Variants in FARP1 observed in about 807,000 individuals in gnomAD.
FARP1 encodes FERM, ARHGEF and pleckstrin domain-containing protein 1.
A neutral mutation model predicts 128.8 loss-of-function variants in FARP1; 52 were observed. That is an observed-to-expected ratio of 0.40 (90% CI 0.32 to 0.51). The LOEUF is 0.51. FARP1 is among the 20% of genes least tolerant of loss of function. The pLI, the probability that FARP1 is intolerant of heterozygous loss-of-function variation, is 0.45. For missense variants in FARP1, 1,333 were observed against 1,367.9 expected (o/e 0.97, Z 0.40); for synonymous variants, 580 against 551.8 (o/e 1.05, Z -0.72).
rs373774885 is a variant in FARP1 at position 98,284,752 on chromosome 13, A to G, written c.172-59010A>G. 1.4e-4 allele frequency among the ~76,000 whole-genome samples: 21 copies of G among 152,314 alleles called. 1 individual carries two copies. In the East Asian group the frequency reaches 2.9e-3, roughly 21 times the overall value. On this transcript the variant is annotated intron_variant, in intron 2 of 26. Coordinates refer to ENST00000319562, the MANE Select transcript of FARP1 (RefSeq NM_005766.4). Reference sequence around the variant, plus strand: ...AGTGAGTTGAGAAAATTAATTTCTAATATTCAGAGGATCTCAGTCTGCCTC... The same window carrying G: ...AGTGAGTTGAGAAAATTAATTTCTAGTATTCAGAGGATCTCAGTCTGCCTC...
At chr13:98,143,805 C>G (rs769397865) in intron 1 of FARP1, among the ~76,000 whole-genome samples, 5 of 151,840 alleles carry the variant, frequency 3.3e-5, no homozygotes, top group Non-Finnish European at 7.4e-5. Context: ...CTCCCCCGAC[C>G]CCGGCGCCCT....
intron 2 of FARP1, among the ~76,000 whole-genome samples, chr13:98,321,475 T>G (rs918393167): frequency 1.3e-5 from 2 of 152,220 alleles, no homozygotes; most frequent in African/African-American, 4.8e-5. Context: ...CACCATCTGA[T>G]TATCCAGGGT....
At chr13:98,238,023 A>T (rs1383358520) in intron 2 of FARP1, among the ~76,000 whole-genome samples, 1 of 152,188 alleles carries the variant, frequency 6.6e-6, no homozygotes, top group Non-Finnish European at 1.5e-5. Flanking sequence ...GTGAAAACTT[A>T]AGGCAAAAGG....
intron 2 of FARP1, among the ~76,000 whole-genome samples, chr13:98,303,729 T>G (rs1044740270): frequency 1.6e-4 from 25 of 152,180 alleles, no homozygotes; most frequent in Admixed American, 1.2e-3. Context: ...ATATTTTACT[T>G]TAGCCTCAAT....
intron 1 of FARP1, among the ~76,000 whole-genome samples, chr13:98,159,286 G>A (rs1384081787): frequency 6.6e-6 from 1 of 152,158 alleles, no homozygotes; most frequent in Non-Finnish European, 1.5e-5. Context: ...CTGAGGCTTA[G>A]ACTATACGGT....
At chr13:98,424,500 G>C in intron 16 of FARP1, 72 bp from the exon 17 acceptor site, 1 of 950,102 alleles carries the variant, frequency 1.1e-6, no homozygotes, top group Non-Finnish European at 1.7e-6. Context: ...GCGGTAGGCT[G>C]ATATTTGTAA....
intron 2 of FARP1, among the ~76,000 whole-genome samples, chr13:98,322,582 A>G (rs532499408): frequency 7.2e-5 from 11 of 152,160 alleles, no homozygotes; most frequent in African/African-American, 2.6e-4. Context: ...AGCCGAGTAC[A>G]GTTCTGACTG....
intron 1 of FARP1, among the ~76,000 whole-genome samples, chr13:98,174,170 A>G (rs1877837265): frequency 6.6e-6 from 1 of 152,248 alleles, no homozygotes; most frequent in Non-Finnish European, 1.5e-5. Flanking sequence ...CAAATTCGGC[A>G]ACGCTTACTA....
chr13:98,167,326 A>C (rs1401287725), intron 1 of FARP1, among the ~76,000 whole-genome samples: 1 of 151,258 alleles, frequency 6.6e-6, no homozygotes. Context: ...TTGGCTTTGC[A>C]CTTTTTTAGT....
intron 5 of FARP1, among the ~76,000 whole-genome samples, chr13:98,374,457 CAG>C (rs1427546154): frequency 1.3e-5 from 2 of 152,110 alleles, no homozygotes; most frequent in Non-Finnish European, 2.9e-5. Context: ...TTAAAAAAAA[CAG>C]ATCCACTCTA....
chr13:98,158,591 C>T (rs1292781337), intron 1 of FARP1, among the ~76,000 whole-genome samples: 1 of 152,140 alleles, frequency 6.6e-6, no homozygotes, highest in Non-Finnish European at 1.5e-5. Flanking sequence ...TAAGCATGAA[C>T]TCAGGCTCCA....
In FARP1 at chr13:98,260,833, A is replaced by G. The variant is rs190005704; in HGVS notation, c.171+47420A>G. Among the ~76,000 whole-genome samples, 26 of 152,332 alleles carry G rather than the reference A, an allele frequency of 1.7e-4. No individual in the cohort carries two copies. In the East Asian group the frequency reaches 4.4e-3, roughly 26 times the overall value. ...TCAGGTTTTCCAGAGCCCAGAGAACAGTGTTGAGTCAGGCCACAGATAGGA... is the reference window on the plus strand; with the variant it reads ...TCAGGTTTTCCAGAGCCCAGAGAACGGTGTTGAGTCAGGCCACAGATAGGA... On this transcript the variant is annotated intron_variant, in intron 2 of 26. Transcript: ENST00000319562.
chr13:98,192,544 G>A (rs969146521), intron 1 of FARP1, among the ~76,000 whole-genome samples: 16 of 151,988 alleles, frequency 1.1e-4, no homozygotes, highest in African/African-American at 3.6e-4. Flanking sequence ...CATCTGCTAC[G>A]ACGCCTGGGT....
intron 23 of FARP1, 133 bp from the exon 24 acceptor site, chr13:98,440,537 C>G: frequency 2.3e-6 from 2 of 869,010 alleles, no homozygotes; most frequent in Non-Finnish European, 3.5e-6. Context: ...CCATCGAGGC[C>G]TCATTAGATT....
rs1160864403 is a variant in FARP1, at chr13:98,446,657, C to G, written c.2905-9C>G. The G allele has an allele frequency of 1.9e-6, 3 of 1,613,760 alleles. No homozygotes were observed. The highest frequency in any genetic ancestry group is 2.5e-6 in the Non-Finnish European group (3 of 1,179,818). On this transcript the variant is annotated splice_polypyrimidine_tract_variant and intron_variant, in intron 25 of 26. Coordinates refer to ENST00000319562, the MANE Select transcript of FARP1 (RefSeq NM_005766.4). Reference sequence around the variant, plus strand: ...CGAAAAGCCACTTTGCTTTGTTTCCCCTTTCCAGGACAATCATCCCCTTGC... The same window carrying G: ...CGAAAAGCCACTTTGCTTTGTTTCCGCTTTCCAGGACAATCATCCCCTTGC...
In FARP1 at chr13:98,243,487, A is replaced by C. The variant is rs1386271205; in HGVS notation, c.171+30074A>C. 3.9e-5 allele frequency among the ~76,000 whole-genome samples: 6 copies of C among 152,032 alleles called. No individual in the cohort carries two copies. In the East Asian group the frequency reaches 9.7e-4, roughly 25 times the overall value. On this transcript the variant is annotated intron_variant, in intron 2 of 26. Transcript: ENST00000319562. Reference sequence around the variant, plus strand: ...GAGGGGGGTGGATCACGAGGTCAGGAGTTCAAGATGAACTTGGCCAAGATA... The same window carrying C: ...GAGGGGGGTGGATCACGAGGTCAGGCGTTCAAGATGAACTTGGCCAAGATA...
At chr13:98,339,284 C>T (rs1426609803) in intron 2 of FARP1, among the ~76,000 whole-genome samples, 1 of 152,112 alleles carries the variant, frequency 6.6e-6, no homozygotes. Context: ...AGAATAAGCA[C>T]GTTTTACCAT....
At chr13:98,426,603 TCAA>T (rs1891797462) in intron 17 of FARP1, among the ~76,000 whole-genome samples, 2 of 152,212 alleles carry the variant, frequency 1.3e-5, no homozygotes, top group Admixed American at 6.5e-5. Context: ...GGATTTCCTG[TCAA>T]TCTCTCTTAA....
At chr13:98,417,846 T>C (rs558388730) in intron 16 of FARP1, among the ~76,000 whole-genome samples, 39 of 152,234 alleles carry the variant, frequency 2.6e-4, no homozygotes, top group Non-Finnish European at 5.0e-4. Context: ...TGAGCCATCA[T>C]AGAATAAAAA....
Sources: allele counts gnomAD v4.1 joint callset (sites outside exome capture counted in the v4.1 genomes callset), GRCh38; gene constraint gnomAD v4.1.1; transcripts MANE v1.5; gene names NCBI Gene and HGNC (gene_info 2026-07-23, HGNC 2026-07-21).